GRM8: variants seen among roughly 807,000 people sequenced by gnomAD.
GRM8 encodes glutamate metabotropic receptor 8, also known as metabotropic glutamate receptor 8.
In GRM8, 47 loss-of-function variants were observed where a neutral mutation model predicts 87.2. The observed-to-expected ratio is 0.54, with a 90% CI of 0.43 to 0.69. The LOEUF (loss-of-function observed/expected upper bound fraction) is 0.69, where lower values mean the gene tolerates loss of function less well. Ranked by LOEUF, GRM8 falls within the 30% of genes least tolerant of loss-of-function variation. GRM8 has a pLI of 0.00. For missense variants in GRM8, 1,019 were observed against 1,139.2 expected, an observed-to-expected ratio of 0.89 and a Z score of 1.52; for synonymous variants, 396 against 404.5, an observed-to-expected ratio of 0.98 and a Z score of 0.25.
intron 7 of GRM8, among the ~76,000 whole-genome samples, chr7:126,733,001 G>C (rs68054622): frequency 0.33 from 49,426 of 151,876 alleles, 8,661 homozygotes; most frequent in Non-Finnish European, 0.38. Flanking sequence ...TAGGAAAATT[G>C]TCTGCAATTT....
At chr7:126,698,544 G>A (rs1563102167) in intron 7 of GRM8, among the ~76,000 whole-genome samples, 1 of 152,052 alleles carries the variant, frequency 6.6e-6, no homozygotes, top group East Asian at 1.9e-4. Flanking sequence ...ATTTAGGAGG[G>A]AGATTGTCAT....
At chr7:127,150,551 C>T (rs1336123174) in intron 2 of GRM8, among the ~76,000 whole-genome samples, 5 of 152,248 alleles carry the variant, frequency 3.3e-5, no homozygotes, top group African/African-American at 1.2e-4. Flanking sequence ...ACACTAAGCA[C>T]TCTACCTACC....
chr7:126,718,615 CAT>C (rs1812024846), intron 7 of GRM8, among the ~76,000 whole-genome samples: 1 of 152,216 alleles, frequency 6.6e-6, no homozygotes, highest in East Asian at 1.9e-4. Context: ...GATGTAACCA[CAT>C]GTGAACTTCA....
chr7:126,914,728 C>A (rs11983914), intron 3 of GRM8, among the ~76,000 whole-genome samples: 2,595 of 152,214 alleles, frequency 0.017, 66 homozygotes, highest in African/African-American at 0.059. Context: ...TGGCTACACA[C>A]AGACATAAAG....
At chr7:126,977,691 T>TTG (rs1280955674) in intron 3 of GRM8, among the ~76,000 whole-genome samples, 1 of 152,222 alleles carries the variant, frequency 6.6e-6, no homozygotes, top group Admixed American at 6.5e-5. Flanking sequence ...CAAACGGTGT[T>TTG]AACTAGTGCA....
At chr7:126,553,744 G>C (rs1792845004) in intron 8 of GRM8, among the ~76,000 whole-genome samples, 1 of 152,064 alleles carries the variant, frequency 6.6e-6, no homozygotes, top group South Asian at 2.1e-4. Context: ...TACAAAATAT[G>C]GTTTCACTGC....
At chr7:126,441,729 A>G (rs999440698) in intron 10 of GRM8, among the ~76,000 whole-genome samples, 2 of 152,074 alleles carry the variant, frequency 1.3e-5, no homozygotes, top group Non-Finnish European at 2.9e-5. Context: ...CTATTGATGG[A>G]TTAGACAAGT....
intron 7 of GRM8, among the ~76,000 whole-genome samples, chr7:126,768,300 G>C (rs1305049190): frequency 8.0e-6 from 1 of 125,404 alleles, no homozygotes; most frequent in Non-Finnish European, 1.6e-5. Context: ...GTAAAGTATC[G>C]TCAGCACCTG....
intron 3 of GRM8, among the ~76,000 whole-genome samples, chr7:126,991,642 G>GA (rs1176358654): frequency 6.6e-6 from 1 of 151,948 alleles, no homozygotes; most frequent in East Asian, 1.9e-4. Flanking sequence ...CAAATACTGG[G>GA]AAAAAAGGAT....
At chr7:127,226,757 C>A (rs996928079) in intron 2 of GRM8, among the ~76,000 whole-genome samples, 2 of 152,234 alleles carry the variant, frequency 1.3e-5, no homozygotes, top group Non-Finnish European at 2.9e-5. Context: ...AGCTCCCAAA[C>A]CATTTGCCTG....
At chr7:127,227,780 C>T (rs1005443169) in intron 2 of GRM8, among the ~76,000 whole-genome samples, 8 of 152,184 alleles carry the variant, frequency 5.3e-5, no homozygotes, top group African/African-American at 1.9e-4. Context: ...CCCATCAATG[C>T]TGCTAAAGGA....
At chr7:126,913,311 T>C (rs1482564705) in intron 3 of GRM8, among the ~76,000 whole-genome samples, 2 of 152,346 alleles carry the variant, frequency 1.3e-5, no homozygotes, top group Non-Finnish European at 2.9e-5. Flanking sequence ...TCTGTGGTTA[T>C]ATAATTTGTT....
chr7:127,074,962 G>A (rs1822109035), intron 3 of GRM8, among the ~76,000 whole-genome samples: 1 of 152,194 alleles, frequency 6.6e-6, no homozygotes, highest in Non-Finnish European at 1.5e-5. Context: ...CCCAAGCAGA[G>A]TATTCCAACA....
chr7:127,011,173 C>T (rs941444660), intron 3 of GRM8, among the ~76,000 whole-genome samples: 2 of 151,960 alleles, frequency 1.3e-5, no homozygotes, highest in African/African-American at 4.8e-5. Flanking sequence ...TCATGGAATA[C>T]AAAATAGCAC....
At chr7:127,193,458 T>C (rs1163287560) in intron 2 of GRM8, among the ~76,000 whole-genome samples, 1 of 152,186 alleles carries the variant, frequency 6.6e-6, no homozygotes, top group Non-Finnish European at 1.5e-5. Flanking sequence ...CTTTTCTTTA[T>C]TGGAATGAAT....
chr7:126,564,213 T>G (rs1034373238), intron 8 of GRM8, among the ~76,000 whole-genome samples: 5 of 152,138 alleles, frequency 3.3e-5, no homozygotes, highest in Admixed American at 6.5e-5. Flanking sequence ...GGGGTTTTGA[T>G]CAATAGCAAG....
chr7:126,549,062 A>G (rs1817486065), intron 8 of GRM8, among the ~76,000 whole-genome samples: 2 of 152,198 alleles, frequency 1.3e-5, no homozygotes, highest in Non-Finnish European at 2.9e-5. Flanking sequence ...TTTGTATAAA[A>G]TCAAATCATT....
intron 3 of GRM8, among the ~76,000 whole-genome samples, chr7:126,971,906 G>T (rs1042141737): frequency 3.3e-5 from 5 of 152,122 alleles, no homozygotes; most frequent in Non-Finnish European, 7.4e-5. Context: ...TCAGAAACAG[G>T]TATCACAAAG....
chr7:126,964,620 C>T (rs1335119814), intron 3 of GRM8, among the ~76,000 whole-genome samples: 1 of 152,178 alleles, frequency 6.6e-6, no homozygotes, highest in Non-Finnish European at 1.5e-5. Flanking sequence ...TACCATCTCA[C>T]ACTAGTTAGA....
Sources: gnomAD v4.1 joint callset for allele counts (sites outside exome capture counted in the v4.1 genomes callset) on GRCh38, gnomAD v4.1.1 for gene constraint, MANE v1.5 for transcripts, NCBI Gene and HGNC (gene_info 2026-07-23, HGNC 2026-07-21) for gene names.